The following RAB3GAP1 variants were observed in gnomAD, a reference collection of about 807,000 sequenced individuals.
The protein encoded by RAB3GAP1 is rab3 GTPase-activating protein catalytic subunit.
Under a neutral mutation model 130.7 loss-of-function variants are expected in RAB3GAP1, and 86 were observed. The observed-to-expected ratio is 0.66, with a 90% CI of 0.55 to 0.79. The LOEUF is 0.79. Among genes scored for constraint, RAB3GAP1 ranks in the 30% least tolerant of loss-of-function variants. RAB3GAP1 has a pLI of 0.00. For missense variants in RAB3GAP1, 1,029 were observed against 1,169.4 expected (o/e 0.88, Z 1.75); for synonymous variants, 367 against 401.7 (o/e 0.91, Z 1.03).
At chr2:135,124,473 G>C (rs1432990753) in intron 9 of RAB3GAP1, among the ~76,000 whole-genome samples, 1 of 152,138 alleles carries the variant, frequency 6.6e-6, no homozygotes, top group Non-Finnish European at 1.5e-5. Context: ...AGAACAGCCT[G>C]ACCAACGTGG....
intron 5 of RAB3GAP1, among the ~76,000 whole-genome samples, chr2:135,098,633 G>A (rs1690366608): frequency 6.6e-6 from 1 of 152,098 alleles, no homozygotes; most frequent in Admixed American, 6.5e-5. Flanking sequence ...GGTGGCAGTG[G>A]CCTGTAATAT....
chr2:135,061,739 G>A (rs186584240), intron 3 of RAB3GAP1, among the ~76,000 whole-genome samples: 1 of 152,068 alleles, frequency 6.6e-6, no homozygotes, highest in Admixed American at 6.5e-5. Flanking sequence ...AGGTTGTGAA[G>A]ATGTTTTTAA....
chr2:135,069,492 A>C (rs1484795358), intron 3 of RAB3GAP1, among the ~76,000 whole-genome samples: 1 of 152,098 alleles, frequency 6.6e-6, no homozygotes, highest in Non-Finnish European at 1.5e-5. Context: ...ATTTCATATA[A>C]ATTGGCAAGT....
intron 23 of RAB3GAP1, among the ~76,000 whole-genome samples, chr2:135,168,193 G>A (rs1165351030): frequency 2.0e-5 from 3 of 152,308 alleles, no homozygotes; most frequent in Middle Eastern, 3.4e-3. Flanking sequence ...TTACTGGACT[G>A]AGGCTGTCAG....
intron 5 of RAB3GAP1, among the ~76,000 whole-genome samples, chr2:135,111,161 T>C (rs1433614661): frequency 6.6e-6 from 1 of 152,150 alleles, no homozygotes; most frequent in East Asian, 1.9e-4. Flanking sequence ...TTAAACTTAA[T>C]TTTTTAAATC....
At chr2:135,112,580 C>T (rs1381339143) in intron 5 of RAB3GAP1, among the ~76,000 whole-genome samples, 1 of 152,174 alleles carries the variant, frequency 6.6e-6, no homozygotes, top group South Asian at 2.1e-4. Context: ...CCACACACCT[C>T]TCCCACCAGA....
In RAB3GAP1 at chr2:135,130,675, T is replaced by G. The variant is rs772951329; in HGVS notation, c.1190T>G (p.Val397Gly). 1.2e-6 allele frequency: 2 copies of G among 1,613,754 alleles called. No homozygotes were observed. The highest frequency in any genetic ancestry group is 1.7e-6 in the Non-Finnish European group (2 of 1,179,734). Residue 397 changes from valine to glycine, a missense_variant, in exon 13 of 24, where the codon GTA becomes GGA. Coordinates refer to ENST00000264158, the MANE Select transcript of RAB3GAP1 (RefSeq NM_012233.3). The part of the protein sequence containing the change: ...AKKKIRKHRG[V>G]EESPLNNDVL... ...AAGAAAATCCGAAAACACAGAGGTG[T>G]AGAGGAGTCACCGCTAAATAATGAT...
intron 9 of RAB3GAP1, among the ~76,000 whole-genome samples, 168 bp downstream of exon 9, chr2:135,124,414 C>T (rs540878959): frequency 2.0e-5 from 3 of 152,124 alleles, no homozygotes; most frequent in Non-Finnish European, 4.4e-5. Flanking sequence ...GCCTGTAATC[C>T]TAGCGCTCTG....
At chr2:135,137,821 T>G (rs1388888356) in intron 17 of RAB3GAP1, among the ~76,000 whole-genome samples, 1 of 151,104 alleles carries the variant, frequency 6.6e-6, no homozygotes, top group Non-Finnish European at 1.5e-5. Context: ...TTTGTTTTGT[T>G]TTTTTTTTGT....
intron 17 of RAB3GAP1, 131 bp downstream of exon 17, chr2:135,136,063 C>T (rs902178900): frequency 2.8e-4 from 342 of 1,231,370 alleles, no homozygotes; most frequent in Non-Finnish European, 3.8e-4. Flanking sequence ...CGGTGGCTTA[C>T]GCCTGTAATC....
At chr2:135,093,790 G>T in intron 5 of RAB3GAP1, 97 bp downstream of exon 5, 1 of 982,504 alleles carries the variant, frequency 1.0e-6, no homozygotes, top group Non-Finnish European at 1.6e-6. Context: ...AGACTCAGAG[G>T]ACTCAGCATT....
At chr2:135,166,750 GTTATA>G (rs1274318525) in intron 23 of RAB3GAP1, among the ~76,000 whole-genome samples, 1 of 151,898 alleles carries the variant, frequency 6.6e-6, no homozygotes, top group Non-Finnish European at 1.5e-5. Flanking sequence ...TAAAAGTAGG[GTTATA>G]TTATATAATT....
chr2:135,111,766 C>CT (rs1351238347), intron 5 of RAB3GAP1, among the ~76,000 whole-genome samples: 1 of 151,892 alleles, frequency 6.6e-6, no homozygotes, highest in Non-Finnish European at 1.5e-5. Flanking sequence ...CAAATTGTTT[C>CT]TTTTTTTTCT....
chr2:135,158,477 A>T (rs1395459135), intron 19 of RAB3GAP1, among the ~76,000 whole-genome samples: 1 of 152,224 alleles, frequency 6.6e-6, no homozygotes, highest in Non-Finnish European at 1.5e-5. Flanking sequence ...GACAGGAATG[A>T]TTATAAACCG....
chr2:135,136,621 A>C, intron 17 of RAB3GAP1: 1 of 838,832 alleles, frequency 1.2e-6, no homozygotes, highest in East Asian at 6.4e-5. Context: ...AAAAAAGAAA[A>C]TCCAACTGCA....
At chr2:135,073,543 C>T (rs1229316546) in intron 3 of RAB3GAP1, among the ~76,000 whole-genome samples, 2 of 152,168 alleles carry the variant, frequency 1.3e-5, no homozygotes, top group African/African-American at 4.8e-5. Context: ...GGTTCTTTCC[C>T]ATGTATCTCA....
intron 18 of RAB3GAP1, among the ~76,000 whole-genome samples, chr2:135,152,170 A>C (rs1259237379): frequency 6.6e-6 from 1 of 152,264 alleles, no homozygotes; most frequent in East Asian, 1.9e-4. Context: ...TATAGGGATG[A>C]GTTAGGGGCT....
intron 3 of RAB3GAP1, among the ~76,000 whole-genome samples, chr2:135,081,398 ATG>A (rs1403566724): frequency 1.5e-5 from 2 of 136,470 alleles, no homozygotes; most frequent in African/African-American, 2.7e-5. Flanking sequence ...ATATGTATAT[ATG>A]TGTGTGTATA....
chr2:135,075,151 G>A (rs139383195), intron 3 of RAB3GAP1, among the ~76,000 whole-genome samples: 15 of 152,292 alleles, frequency 9.8e-5, no homozygotes, highest in African/African-American at 3.4e-4. Context: ...TTGGGGCAAG[G>A]TATCTGTCTA....
Sources: allele counts gnomAD v4.1 joint callset (sites outside exome capture counted in the v4.1 genomes callset), GRCh38; gene constraint gnomAD v4.1.1; transcripts MANE v1.5; gene names NCBI Gene and HGNC (gene_info 2026-07-23, HGNC 2026-07-21).